Variants in TLE4 observed in about 807,000 individuals in gnomAD.
The protein encoded by TLE4 is TLE family member 4, transcriptional corepressor.
Under a neutral mutation model 92.8 loss-of-function variants are expected in TLE4, and 8 were observed. That is an observed-to-expected ratio of 0.09 (90% CI 0.05 to 0.16). TLE4 has a LOEUF of 0.16. Among genes scored for constraint, TLE4 ranks in the 10% least tolerant of loss-of-function variants. The pLI, the probability that TLE4 is intolerant of heterozygous loss-of-function variation, is 1.00. For missense variants in TLE4, 675 were observed against 997.6 expected (o/e 0.68, Z 4.36); for synonymous variants, 371 against 374.1 (o/e 0.99, Z 0.10).
chr9:79,720,019 A>T, intron 15 of TLE4, 27 bp from the exon 16 acceptor site: 1 of 1,581,126 alleles, frequency 6.3e-7, no homozygotes, highest in Non-Finnish European at 8.6e-7. Flanking sequence ...CTCATGAGTA[A>T]TCTCTTGATG....
intron 4 of TLE4, among the ~76,000 whole-genome samples, chr9:79,592,183 C>CTCTTCCTCTTCT (rs2042752742): frequency 3.0e-5 from 4 of 135,360 alleles, no homozygotes; most frequent in South Asian, 2.5e-4. Context: ...CTTCCTCTTC[C>CTCTTCCTCTTCT]TCTTCTTCTT....
chr9:79,665,066 T>C (rs1248153962), intron 8 of TLE4, among the ~76,000 whole-genome samples: 2 of 152,262 alleles, frequency 1.3e-5, no homozygotes, highest in Non-Finnish European at 2.9e-5. Context: ...GCATTAGTAC[T>C]GAAAGGTATT....
chr9:79,708,548 G>GT (rs2072331352), intron 12 of TLE4, 45 bp from the exon 13 acceptor site: 16 of 1,548,088 alleles, frequency 1.0e-5, no homozygotes, highest in Non-Finnish European at 1.4e-5. Flanking sequence ...CTTCACTGTT[G>GT]TTTCCTGTGT....
chr9:79,574,032 G>C, intron 2 of TLE4: 1 of 293,480 alleles, frequency 3.4e-6, no homozygotes, highest in Non-Finnish European at 6.2e-6. Flanking sequence ...CTTGGAAAAC[G>C]CTGAGGCCAA....
At chr9:79,680,716 G>A (rs2064356397) in intron 8 of TLE4, among the ~76,000 whole-genome samples, 1 of 152,134 alleles carries the variant, frequency 6.6e-6, no homozygotes, top group African/African-American at 2.4e-5. Context: ...GTTTTCAAAG[G>A]GAATGCTTCC....
rs2040677232 is a variant in TLE4, at chr9:79,584,917, T to A, written c.252+8740T>A. On this transcript the variant is annotated intron_variant, in intron 4 of 19. Coordinates refer to ENST00000376552, the MANE Select transcript of TLE4 (RefSeq NM_007005.6). Reference sequence around the variant, plus strand: ...AATCATTCCAAACAGAATTTAAAATTCAGTTTGAACGTCACTGTATCACTA... The same window carrying A: ...AATCATTCCAAACAGAATTTAAAATACAGTTTGAACGTCACTGTATCACTA... Among the ~76,000 whole-genome samples, 3 of 152,204 alleles carry A rather than the reference T, an allele frequency of 2.0e-5. No homozygotes were observed. The South Asian group carries it at 6.2e-4, about 31-fold the overall frequency.
intron 6 of TLE4, among the ~76,000 whole-genome samples, chr9:79,639,074 C>T (rs1365144784): frequency 6.6e-6 from 1 of 152,008 alleles, no homozygotes; most frequent in Non-Finnish European, 1.5e-5. Context: ...ATTATCCTCC[C>T]TTCTGCATTT....
At chr9:79,630,334 A>G (rs1168821120) in intron 6 of TLE4, among the ~76,000 whole-genome samples, 2 of 152,188 alleles carry the variant, frequency 1.3e-5, no homozygotes, top group African/African-American at 4.8e-5. Context: ...TGTTTAATGG[A>G]ATGAAACACA....
intron 19 of TLE4, 30 bp downstream of exon 19, chr9:79,723,065 T>A (rs374500298): frequency 6.3e-7 from 1 of 1,594,690 alleles, no homozygotes; most frequent in Non-Finnish European, 8.6e-7. Flanking sequence ...CTACCACTTA[T>A]GTTTGTTTAA....
chr9:79,692,196 G>A (rs932612296), intron 8 of TLE4, among the ~76,000 whole-genome samples: 3 of 152,150 alleles, frequency 2.0e-5, no homozygotes, highest in African/African-American at 7.2e-5. Flanking sequence ...ACTCAAGGTT[G>A]CCCTAGAAGG....
intron 4 of TLE4, among the ~76,000 whole-genome samples, chr9:79,607,463 A>G (rs1408046897): frequency 6.6e-6 from 1 of 152,140 alleles, no homozygotes; most frequent in African/African-American, 2.4e-5. Context: ...AGTGTTCTGA[A>G]TGGTATTGCC....
At chr9:79,643,039 C>T (rs1365702663) in intron 6 of TLE4, among the ~76,000 whole-genome samples, 1 of 152,150 alleles carries the variant, frequency 6.6e-6, no homozygotes, top group African/African-American at 2.4e-5. Flanking sequence ...ATTCTTGCTT[C>T]TTTCCATATA....
chr9:79,627,408 C>T lies in TLE4; in HGVS notation c.350C>T (p.Ala117Val). 6.2e-7 allele frequency: 1 copy of T among 1,614,088 alleles called. No homozygotes were observed. Among genetic ancestry groups the T allele is most frequent in the Non-Finnish European group, 8.5e-7 (1 of 1,180,012 alleles). Residue 117 changes from alanine (A) to valine (V), a missense_variant, in exon 6 of 20, where the codon GCC becomes GTC. By Grantham distance (64) the Ala-to-Val change is moderately conservative. Transcript: ENST00000376552. Reference sequence around the variant, plus strand: ...CAAGTGGTGCAGGCTGTGGAACGGGCCAAGCAGGTGACCATGGCAGAACTG... The same window carrying T: ...CAAGTGGTGCAGGCTGTGGAACGGGTCAAGCAGGTGACCATGGCAGAACTG... ...QQQVVQAVER[A>V]KQVTMAELNA...
intron 8 of TLE4, among the ~76,000 whole-genome samples, chr9:79,690,713 G>A (rs1023937091): frequency 4.0e-5 from 6 of 148,154 alleles, no homozygotes; most frequent in Non-Finnish European, 7.4e-5. Flanking sequence ...TCCCAGGCTC[G>A]AGATCTTCCC....
In TLE4 at chr9:79,599,220, G is replaced by GAC. The variant is rs560524124; in HGVS notation, c.253-13436_253-13435insAC. ...TTCTAAATAAAGTTCAAACCCCTTAGTGTGGCATTCAAGACCTTCCATAGT... is the reference window on the plus strand; with the variant it reads ...TTCTAAATAAAGTTCAAACCCCTTAGACTGTGGCATTCAAGACCTTCCATAGT... On this transcript the variant is annotated intron_variant, in intron 4 of 19. Coordinates refer to ENST00000376552, the MANE Select transcript of TLE4 (RefSeq NM_007005.6). Among the ~76,000 whole-genome samples the GAC allele has an allele frequency of 3.1e-3, 472 of 152,288 alleles. 3 individuals are homozygous for GAC. Among genetic ancestry groups the GAC allele is most frequent in the African/African-American group, 0.01 (434 of 41,548 alleles).
chr9:79,706,056 G>GT lies in TLE4; in HGVS notation c.783+120dup. On this transcript the variant is annotated intron_variant, in intron 10 of 19. Coordinates refer to ENST00000376552, the MANE Select transcript of TLE4 (RefSeq NM_007005.6). ...GGTTTGTCGTTTTGTTATTGTTGTT[G>GT]TTTTTTGAGGCAGGGTCTTGTTCTC... 9 of 1,037,646 alleles carry GT rather than the reference G, an allele frequency of 8.7e-6. No individual in the cohort carries two copies. In the South Asian group the frequency reaches 1.1e-4, roughly 13 times the overall value. The allele number at this position is 1,037,646 out of a possible 1,614,324, so 64.3% of individuals were successfully genotyped here. A position where few individuals can be genotyped will look rare whatever the true frequency, so the allele number is the denominator to read the frequency against.
intron 14 of TLE4, among the ~76,000 whole-genome samples, chr9:79,714,575 C>T (rs747840320): frequency 3.5e-4 from 53 of 152,090 alleles, no homozygotes; most frequent in Non-Finnish European, 7.4e-5. Context: ...TTTAAAAACC[C>T]ATCTCTATTA....
At chr9:79,614,941 C>T (rs564805829) in intron 5 of TLE4, among the ~76,000 whole-genome samples, 1 of 152,136 alleles carries the variant, frequency 6.6e-6, no homozygotes, top group Non-Finnish European at 1.5e-5. Context: ...CCATGGTTTT[C>T]TAAATGCTAG....
chr9:79,639,020 A>G (rs2056593617), intron 6 of TLE4, among the ~76,000 whole-genome samples: 1 of 152,134 alleles, frequency 6.6e-6, no homozygotes, highest in African/African-American at 2.4e-5. Flanking sequence ...AGCGAGATAT[A>G]AAAAGATGTG....
Sources: gnomAD v4.1 joint callset for allele counts (sites outside exome capture counted in the v4.1 genomes callset) on GRCh38, gnomAD v4.1.1 for gene constraint, MANE v1.5 for transcripts, NCBI Gene and HGNC (gene_info 2026-07-23, HGNC 2026-07-21) for gene names.